Variants in IDUA observed in about 807,000 individuals in gnomAD.
IDUA encodes alpha-L-iduronidase.
A neutral mutation model predicts 68.9 loss-of-function variants in IDUA; 65 were observed. The observed-to-expected ratio is 0.94, with a 90% CI of 0.77 to 1.16. The LOEUF is 1.16. Among genes scored for constraint, IDUA ranks in the 50% most tolerant of loss-of-function variants. IDUA has a pLI of 0.00. For synonymous variants in IDUA, 529 were observed against 433.6 expected, an observed-to-expected ratio of 1.22 and a Z score of -2.73; for missense variants, 1,046 against 938.0, an observed-to-expected ratio of 1.12 and a Z score of -1.50.
At chr4:998,274 G>A (rs973164044) in intron 2 of IDUA, among the ~76,000 whole-genome samples, 3 of 152,224 alleles carry the variant, frequency 2.0e-5, no homozygotes, top group African/African-American at 7.2e-5. Context: ...CTCCTGCCAA[G>A]GCTCTGCCTT....
rs370221627 is a variant in IDUA, at chr4:1,004,116, C to T, written c.1828+4C>T. 42 of 1,612,554 alleles carry T rather than the reference C, an allele frequency of 2.6e-5. No homozygotes were observed. Among genetic ancestry groups the T allele is most frequent in the Middle Eastern group, 3.3e-4 (2 of 6,062 alleles). On this transcript the variant is annotated splice_donor_region_variant and intron_variant, in intron 13 of 13. Coordinates refer to ENST00000514224, the MANE Select transcript of IDUA (RefSeq NM_000203.5). The surrounding 1 kb of genome is among the most constrained non-coding windows in gnomAD (Gnocchi z 5.0). ...AACCTCTTTGTGTTCAGCCCAGGTG[C>T]GCCCACCACCCGCTGCCCTGGACTC...
rs746445576 is a variant in IDUA at position 988,853 on chromosome 4, C to T, written c.299+904C>T. ...CCCTGCTACAGATGGGCATCGGTGG[C>T]CTCCAGCTCCCTGTGGCGGGCTCGT... On this transcript the variant is annotated intron_variant, in intron 2 of 13. Transcript: ENST00000514224. 1 of 1,603,218 alleles carries T rather than the reference C, an allele frequency of 6.2e-7. No individual in the cohort carries two copies. Among genetic ancestry groups the T allele is most frequent in the South Asian group, 1.1e-5 (1 of 89,728 alleles).
chr4:1,001,015 C>A, intron 4 of IDUA, 26 bp downstream of exon 4: 1 of 1,536,926 alleles, frequency 6.5e-7, no homozygotes, highest in Non-Finnish European at 9.0e-7. Flanking sequence ...CCCTGGGGCC[C>A]TGGCCGGGGC....
Position 987,057 on chromosome 4 carries a change from G to C in IDUA, c.-28G>C. On this transcript the variant is annotated 5_prime_UTR_variant, in exon 1 of 14. Transcript: ENST00000514224. Reference sequence around the variant, plus strand: ...GGCGGAACCGGCAGTGCAGCCCGAAGCCCCGCAGTCCCCGAGCACGCGTGG... The same window carrying C: ...GGCGGAACCGGCAGTGCAGCCCGAACCCCCGCAGTCCCCGAGCACGCGTGG... 1 of 1,514,118 alleles carries C rather than the reference G, an allele frequency of 6.6e-7. No homozygotes were observed. The highest frequency in any genetic ancestry group is 1.4e-5 in the African/African-American group (1 of 69,412). The allele number at this position is 1,514,118 out of a possible 1,614,324, so 93.8% of individuals were successfully genotyped here.
rs745832717 is a variant in IDUA at position 1,002,265 on chromosome 4, G to T, written c.973-4G>T. On this transcript the variant is annotated splice_region_variant and splice_polypyrimidine_tract_variant and intron_variant, in intron 7 of 13. Coordinates refer to ENST00000514224, the MANE Select transcript of IDUA (RefSeq NM_000203.5). ...CCGGTCCCAGCTGCCCTGGACACCC[G>T]CAGGTCATCGCGCAGCATCAGAACC... 6.2e-7 allele frequency: 1 copy of T among 1,608,962 alleles called. No individual in the cohort carries two copies. Among genetic ancestry groups the T allele is most frequent in the East Asian group, 2.2e-5 (1 of 44,630 alleles).
chr4:994,568 G>A (rs955427783), intron 2 of IDUA, among the ~76,000 whole-genome samples: 2 of 151,786 alleles, frequency 1.3e-5, no homozygotes, highest in Non-Finnish European at 2.9e-5. Flanking sequence ...CTCCCGAGTA[G>A]CTGGGACTAC....
In IDUA at chr4:1,004,016, C is replaced by T. The variant is rs1193330123; in HGVS notation, c.1732C>T (p.Leu578=). The T allele has an allele frequency of 6.2e-7, 1 of 1,611,066 alleles. No individual in the cohort carries two copies. Among genetic ancestry groups the T allele is most frequent in the Non-Finnish European group, 8.5e-7 (1 of 1,179,070 alleles). ...WSDEHVGSKC[L]WTYEIQFSQD... ...TTCTTGGCCTGACCTCCCCAGGTGC[C>T]TGTGGACATACGAGATCCAGTTCTC... Residue 578 remains leucine (L), a synonymous_variant, in exon 13 of 14, where the codon CTG becomes TTG. Coordinates refer to ENST00000514224, the MANE Select transcript of IDUA (RefSeq NM_000203.5). This position sits in a 1 kb window ranked among gnomAD's most constrained non-coding sequence, Gnocchi z 5.0.
chr4:995,696 A>G (rs377696895), intron 2 of IDUA, among the ~76,000 whole-genome samples: 20 of 152,304 alleles, frequency 1.3e-4, no homozygotes, highest in African/African-American at 3.6e-4. Context: ...GGACACTGAC[A>G]TTGATGGGGC....
Position 1,001,847 on chromosome 4 carries a change from G to C in IDUA, c.758G>C (p.Gly253Ala), listed in dbSNP as rs1167839388. Residue 253 changes from glycine (G) to alanine (A), a missense_variant, in exon 6 of 14, where the codon GGC becomes GCC. By Grantham distance (60) the Gly-to-Ala change is moderately conservative. Transcript: ENST00000514224. Reference sequence around the variant, plus strand: ...ACCAACTTCTTCACTGGGGAGGCGGGCGTGCGGCTGGACTACATCTCCCTC... The same window carrying C: ...ACCAACTTCTTCACTGGGGAGGCGGCCGTGCGGCTGGACTACATCTCCCTC... The part of the protein sequence containing the change: ...DGTNFFTGEA[G>A]VRLDYISLHR... 1 of 1,598,106 alleles carries C rather than the reference G, an allele frequency of 6.3e-7. No homozygotes were observed. Among genetic ancestry groups the C allele is most frequent in the Non-Finnish European group, 8.5e-7 (1 of 1,174,080 alleles).
intron 2 of IDUA, among the ~76,000 whole-genome samples, chr4:995,024 C>T (rs1002167644): frequency 2.0e-5 from 3 of 151,334 alleles, no homozygotes; most frequent in Admixed American, 6.6e-5. Context: ...ATGTTTGTAG[C>T]GCTTCACTCC....
intron 2 of IDUA, chr4:989,816 G>A (rs1269281638): frequency 6.3e-7 from 1 of 1,579,868 alleles, no homozygotes; most frequent in South Asian, 1.2e-5. Context: ...AGCAGCTCCT[G>A]GTTGGCACGC....
At chr4:1,002,221 C>A in intron 7 of IDUA, 48 bp from the exon 8 acceptor site, 1 of 1,577,290 alleles carries the variant, frequency 6.3e-7, no homozygotes, top group Non-Finnish European at 8.6e-7. Context: ...ACGGGACAGG[C>A]GAGCGGTGGC....
Position 987,867 on chromosome 4 carries a change from A to G in IDUA, c.217A>G (p.Asn73Asp). The G allele has an allele frequency of 6.2e-7, 1 of 1,612,372 alleles. No homozygotes were observed. The highest frequency in any genetic ancestry group is 2.2e-5 in the East Asian group (1 of 44,850). ...QYVLSWDQQL[N>D]LAYVGAVPHR... Reference sequence around the variant, plus strand: ...CGTCCTCAGCTGGGACCAGCAGCTCAACCTCGCCTATGTGGGCGCCGTCCC... The same window carrying G: ...CGTCCTCAGCTGGGACCAGCAGCTCGACCTCGCCTATGTGGGCGCCGTCCC... Residue 73 changes from asparagine to aspartate, a missense_variant, in exon 2 of 14, where the codon AAC becomes GAC. Coordinates refer to ENST00000514224, the MANE Select transcript of IDUA (RefSeq NM_000203.5).
chr4:1,004,116 C>G lies in IDUA; in HGVS notation c.1828+4C>G, dbSNP rs370221627. On this transcript the variant is annotated splice_donor_region_variant and intron_variant, in intron 13 of 13. Coordinates refer to ENST00000514224, the MANE Select transcript of IDUA (RefSeq NM_000203.5). The surrounding 1 kb of genome is among the most constrained non-coding windows in gnomAD (Gnocchi z 5.0). ...AACCTCTTTGTGTTCAGCCCAGGTGCGCCCACCACCCGCTGCCCTGGACTC... is the reference window on the plus strand; with the variant it reads ...AACCTCTTTGTGTTCAGCCCAGGTGGGCCCACCACCCGCTGCCCTGGACTC... The G allele has an allele frequency of 6.2e-7, 1 of 1,612,554 alleles. No homozygotes were observed. Among genetic ancestry groups the G allele is most frequent in the East Asian group, 2.2e-5 (1 of 44,870 alleles).
chr4:1,003,762 C>A, intron 12 of IDUA, 137 bp downstream of exon 12: 3 of 1,006,696 alleles, frequency 3.0e-6, no homozygotes, highest in South Asian at 2.7e-5. Flanking sequence ...CGTCCCTGCC[C>A]TTCACCCCAC....
intron 1 of IDUA, 51 bp from the exon 2 acceptor site, chr4:987,758 C>T: frequency 6.2e-7 from 1 of 1,609,568 alleles, no homozygotes; most frequent in South Asian, 1.1e-5. Flanking sequence ...GTCAGCCGCG[C>T]TGCCAGCCAT....
intron 2 of IDUA, chr4:991,218 G>C: frequency 6.2e-7 from 1 of 1,609,732 alleles, no homozygotes; most frequent in Non-Finnish European, 8.5e-7. Flanking sequence ...CCGAGCCGTT[G>C]AGGGTGCTGC....
Position 991,525 on chromosome 4 carries a change from A to G in IDUA, c.299+3576A>G. On this transcript the variant is annotated intron_variant, in intron 2 of 13. Coordinates refer to ENST00000514224, the MANE Select transcript of IDUA (RefSeq NM_000203.5). ...GTACTCCCGCGGGCGGTACTGACGC[A>G]GCCAGCGCGTGGCGGGGAGCAGGTC... is the stretch of plus-strand genomic sequence containing the variant. 1 of 1,607,548 alleles carries G rather than the reference A, an allele frequency of 6.2e-7. No individual in the cohort carries two copies. Among genetic ancestry groups the G allele is most frequent in the Middle Eastern group, 1.7e-4 (1 of 6,038 alleles).
At chr4:1,002,207 C>T (rs1236773341) in intron 7 of IDUA, 46 bp downstream of exon 7, 1 of 1,570,160 alleles carries the variant, frequency 6.4e-7, no homozygotes, top group East Asian at 2.4e-5. Flanking sequence ...ACCTTCCTCC[C>T]GAGACGGGAC....
Sources: gnomAD v4.1 joint callset for allele counts (sites outside exome capture counted in the v4.1 genomes callset) on GRCh38, gnomAD v4.1.1 for gene constraint, Gnocchi (gnomAD v3.1) non-coding constraint, MANE v1.5 for transcripts, NCBI Gene and HGNC (gene_info 2026-07-23, HGNC 2026-07-21) for gene names.